CDH18: variants seen among roughly 807,000 people sequenced by gnomAD.
CDH18 encodes the protein cadherin-18.
In CDH18, 31 loss-of-function variants were observed where a neutral mutation model predicts 67.9. The observed-to-expected ratio is 0.46, with a 90% CI of 0.34 to 0.62. The LOEUF is 0.62. CDH18 is among the 20% of genes least tolerant of loss of function. The pLI, the probability that CDH18 is intolerant of heterozygous loss-of-function variation, is 0.01. For synonymous variants in CDH18, 362 were observed against 347.2 expected, an observed-to-expected ratio of 1.04 and a Z score of -0.48; for missense variants, 890 against 975.5, an observed-to-expected ratio of 0.91 and a Z score of 1.17.
At chr5:19,511,692 T>G (rs901367606) in intron 10 of CDH18, among the ~76,000 whole-genome samples, 2 of 152,038 alleles carry the variant, frequency 1.3e-5, no homozygotes, top group Non-Finnish European at 2.9e-5. Context: ...GTGGAAGAAA[T>G]TTTTAATAGC....
At chr5:20,338,465 C>T (rs1305039740) in intron 1 of CDH18, among the ~76,000 whole-genome samples, 1 of 152,204 alleles carries the variant, frequency 6.6e-6, no homozygotes, top group African/African-American at 2.4e-5. Flanking sequence ...ATTACACACA[C>T]TCCTCCGGCC....
chr5:20,218,103 A>G lies in CDH18; in HGVS notation c.-518+37341T>C, dbSNP rs555273729. On this transcript the variant is annotated intron_variant, in intron 2 of 14. Transcript: ENST00000507958. Reference sequence around the variant, plus strand: ...TAATACCCCACTTTCAGCATTGAACAGGTCATCTAGATAGAAAATCAACAA... The same window carrying G: ...TAATACCCCACTTTCAGCATTGAACGGGTCATCTAGATAGAAAATCAACAA... Among the ~76,000 whole-genome samples the G allele has an allele frequency of 1.6e-4, 24 of 152,086 alleles. No homozygotes were observed. The East Asian group carries it at 4.5e-3, about 28-fold the overall frequency.
At chr5:20,367,921 G>T (rs1742655114) in intron 1 of CDH18, among the ~76,000 whole-genome samples, 1 of 152,134 alleles carries the variant, frequency 6.6e-6, no homozygotes, top group African/African-American at 2.4e-5. Flanking sequence ...AATCAACCGG[G>T]AAGATTTTGA....
intron 9 of CDH18, among the ~76,000 whole-genome samples, chr5:19,531,847 A>C (rs1161599621): frequency 6.6e-6 from 1 of 152,178 alleles, no homozygotes; most frequent in Non-Finnish European, 1.5e-5. Flanking sequence ...AACTTGACTC[A>C]TTAACGCAAA....
intron 1 of CDH18, among the ~76,000 whole-genome samples, chr5:20,459,623 A>T (rs1048838865): frequency 6.6e-6 from 1 of 152,154 alleles, no homozygotes; most frequent in Non-Finnish European, 1.5e-5. Context: ...TACTGAACAT[A>T]ATTATATGGA....
At chr5:20,261,419 G>T (rs1392724036) in intron 1 of CDH18, among the ~76,000 whole-genome samples, 2 of 151,904 alleles carry the variant, frequency 1.3e-5, no homozygotes, top group Admixed American at 6.5e-5. Flanking sequence ...TTGAAATGTA[G>T]AAATTAACAA....
intron 1 of CDH18, among the ~76,000 whole-genome samples, chr5:20,543,902 G>A (rs1757192930): frequency 6.6e-6 from 1 of 152,110 alleles, no homozygotes; most frequent in Admixed American, 6.5e-5. Context: ...TTTTTCTGAG[G>A]AAACTATTTT....
At chr5:19,495,403 C>T (rs1196981093) in intron 11 of CDH18, among the ~76,000 whole-genome samples, 5 of 151,874 alleles carry the variant, frequency 3.3e-5, no homozygotes, top group Admixed American at 3.3e-4. Flanking sequence ...AGTTTTTGAT[C>T]GACAAATTCT....
intron 2 of CDH18, among the ~76,000 whole-genome samples, chr5:20,248,939 A>G (rs1743594477): frequency 6.6e-6 from 1 of 152,218 alleles, no homozygotes; most frequent in Non-Finnish European, 1.5e-5. Context: ...CTACAGAATT[A>G]CAGCCTATTA....
chr5:20,561,412 A>AT (rs1197419873), intron 1 of CDH18, among the ~76,000 whole-genome samples: 1 of 152,056 alleles, frequency 6.6e-6, no homozygotes, highest in Non-Finnish European at 1.5e-5. Flanking sequence ...ACAATGGAAT[A>AT]TTTTTCCGTG....
chr5:20,080,585 TTG>T (rs1350822129), intron 2 of CDH18, among the ~76,000 whole-genome samples: 26 of 152,144 alleles, frequency 1.7e-4, no homozygotes, highest in Non-Finnish European at 3.8e-4. Context: ...AAGAGCAGAA[TTG>T]CCTGAAATGA....
At chr5:20,092,390 A>T (rs1437921008) in intron 2 of CDH18, among the ~76,000 whole-genome samples, 1 of 152,178 alleles carries the variant, frequency 6.6e-6, no homozygotes, top group Non-Finnish European at 1.5e-5. Flanking sequence ...TGAAAAATAA[A>T]TAGAGAAAAG....
chr5:19,533,158 G>A (rs1012227680), intron 9 of CDH18, among the ~76,000 whole-genome samples: 2 of 152,176 alleles, frequency 1.3e-5, no homozygotes, highest in African/African-American at 4.8e-5. Flanking sequence ...ATAGAGAAGC[G>A]AGGAGGAACT....
At chr5:20,428,688 T>C (rs1305442755) in intron 1 of CDH18, among the ~76,000 whole-genome samples, 2 of 152,192 alleles carry the variant, frequency 1.3e-5, no homozygotes, top group Non-Finnish European at 2.9e-5. Context: ...ACTTCTCTAA[T>C]GACCAGTGAT....
intron 1 of CDH18, among the ~76,000 whole-genome samples, chr5:19,985,222 C>T (rs1403254174): frequency 6.6e-6 from 1 of 151,984 alleles, no homozygotes; most frequent in Non-Finnish European, 1.5e-5. Context: ...TAGTAAAACA[C>T]CTACCAATTG....
At chr5:20,202,404 T>A (rs778921066) in intron 2 of CDH18, among the ~76,000 whole-genome samples, 88 of 152,076 alleles carry the variant, frequency 5.8e-4, no homozygotes, top group Non-Finnish European at 1.1e-3. Context: ...AGAATGAAAA[T>A]TTTTCCCCTC....
intron 2 of CDH18, among the ~76,000 whole-genome samples, chr5:20,169,977 TTA>T (rs1293282670): frequency 6.6e-6 from 1 of 152,020 alleles, no homozygotes; most frequent in African/African-American, 2.4e-5. Context: ...GTAAATAATT[TTA>T]GTGTTAAATT....
intron 9 of CDH18, among the ~76,000 whole-genome samples, chr5:19,524,503 A>G (rs1747429511): frequency 6.6e-6 from 1 of 151,934 alleles, no homozygotes; most frequent in South Asian, 2.1e-4. Flanking sequence ...ATTATAAAAA[A>G]TTGAAATTGA....
At chr5:19,979,215 A>AGTGTGTGT (rs113093535) in intron 2 of CDH18, among the ~76,000 whole-genome samples, 1,651 of 147,002 alleles carry the variant, frequency 0.011, 12 homozygotes, top group African/African-American at 0.013. Context: ...GTGGGGATGG[A>AGTGTGTGT]GTGTGTGTGT....
Sources: gnomAD v4.1 joint callset for allele counts (sites outside exome capture counted in the v4.1 genomes callset) on GRCh38, gnomAD v4.1.1 for gene constraint, MANE v1.5 for transcripts, NCBI Gene and HGNC (gene_info 2026-07-23, HGNC 2026-07-21) for gene names.